HYOU1: variants seen among roughly 807,000 people sequenced by gnomAD.
The protein encoded by HYOU1 is hypoxia up-regulated 1.
In HYOU1, 40 loss-of-function variants were observed where a neutral mutation model predicts 120.5. The observed-to-expected ratio is 0.33, with a 90% CI of 0.26 to 0.43. The LOEUF (loss-of-function observed/expected upper bound fraction) is 0.43, where lower values mean the gene tolerates loss of function less well. Among genes scored for constraint, HYOU1 ranks in the 20% least tolerant of loss-of-function variants. The pLI is 1.00. For missense variants in HYOU1, 1,085 were observed against 1,278.3 expected (o/e 0.85, Z 2.31); for synonymous variants, 501 against 479.4 (o/e 1.05, Z -0.59).
chr11:119,048,997 C>T lies in HYOU1; in HGVS notation c.1992+21G>A, dbSNP rs2133568861. ...CCCTTAGCCTCTGGATCCACACTGG[C>T]CTTCCTCTGCCACAGCTCACCTGGG... On this transcript the variant is annotated intron_variant, in intron 17 of 25. Transcript: ENST00000617285. This position sits in a 1 kb window ranked among gnomAD's most constrained non-coding sequence, Gnocchi z 4.7. 2 of 1,613,422 alleles carry T rather than the reference C, an allele frequency of 1.2e-6. No homozygotes were observed. The highest frequency in any genetic ancestry group is 1.3e-5 in the African/African-American group (1 of 74,908).
intron 6 of HYOU1, 85 bp from the exon 7 acceptor site, chr11:119,054,760 T>A: frequency 2.1e-6 from 3 of 1,396,854 alleles, no homozygotes; most frequent in Non-Finnish European, 2.9e-6. Flanking sequence ...CATTTTGGAC[T>A]AGGTAATTCT....
rs2133572561 is a variant in HYOU1 at position 119,049,381 on chromosome 11, G to C, written c.1806+175C>G. 58 of 1,561,650 alleles carry C rather than the reference G, an allele frequency of 3.7e-5. No individual in the cohort carries two copies. In the African/African-American group the frequency reaches 6.9e-4, roughly 19 times the overall value. The stretch of plus-strand genomic sequence containing the variant: ...ACAAAGGAAGAGCATCTGCAATGAG[G>C]GGAATGGGCCTTGGGAGCACCAGTC... On this transcript the variant is annotated intron_variant, in intron 16 of 25. Transcript: ENST00000617285.
chr11:119,046,889 C>T, intron 22 of HYOU1, 87 bp from the exon 23 acceptor site: 1 of 1,520,782 alleles, frequency 6.6e-7, no homozygotes, highest in South Asian at 1.3e-5. Context: ...CCCAACCAGC[C>T]TCTTCCCTCA....
intron 6 of HYOU1, 134 bp downstream of exon 6, chr11:119,054,850 C>G: frequency 9.1e-7 from 1 of 1,097,738 alleles, no homozygotes; most frequent in Non-Finnish European, 1.3e-6. Flanking sequence ...AGGTGCACCC[C>G]TCAGATGTGA....
Position 119,049,071 on chromosome 11 carries a change from G to A in HYOU1, c.1939C>T (p.Pro647Ser). Residue 647 changes from proline (P) to serine (S), a missense_variant, in exon 17 of 26, where the codon CCT becomes TCT. Physicochemically the swap from Pro to Ser is moderately conservative, Grantham distance 74. This residue lies in a region of HYOU1 where 516 missense variants were observed against 517.1 expected (regional missense o/e 1.00). Transcript: ENST00000617285. ...TTTTCTGTGGCCTTTTCTCCCTCAG[G>A]GGTTGCATCTCCCTTAGGTTCAGGG... Reference protein sequence around the residue: ...PPPEPKGDATPEGEKATEKEN... With the variant: ...PPPEPKGDATSEGEKATEKEN... 6.2e-7 allele frequency: 1 copy of A among 1,614,144 alleles called. No homozygotes were observed. The highest frequency in any genetic ancestry group is 8.5e-7 in the Non-Finnish European group (1 of 1,180,026).
Position 119,051,351 on chromosome 11 carries a change from C to T in HYOU1, c.1526+87G>A. On this transcript the variant is annotated intron_variant, in intron 13 of 25. Coordinates refer to ENST00000617285, the MANE Select transcript of HYOU1 (RefSeq NM_006389.5). This position sits in a 1 kb window ranked among gnomAD's most constrained non-coding sequence, Gnocchi z 4.2. ...GCCCTGTTTCAGCCCCGCAGGCCCA[C>T]ATCCTCCCTCACCCCCAGTCCTCAG... is the stretch of plus-strand genomic sequence containing the variant. 2.0e-6 allele frequency: 3 copies of T among 1,513,050 alleles called. No homozygotes were observed. Among genetic ancestry groups the T allele is most frequent in the Non-Finnish European group, 1.8e-6 (2 of 1,103,622 alleles). 93.7% of individuals were successfully genotyped at this position (1,513,050 alleles called of 1,614,324 possible). A position where few individuals can be genotyped will look rare whatever the true frequency, so the allele number is the denominator to read the frequency against.
chr11:119,050,494 A>T (rs1380370190), intron 14 of HYOU1, among the ~76,000 whole-genome samples: 1 of 142,256 alleles, frequency 7.0e-6, no homozygotes, highest in Non-Finnish European at 1.5e-5. Flanking sequence ...AGGCAGGATG[A>T]TCGCTTGATC....
At position 119,051,870 on chromosome 11, in the gene HYOU1, G is replaced by A; in HGVS notation, c.1287C>T (p.Ala429=). ...AVYQAAALSK[A]FKVKPFVVRD... ...GGACGACAAATGGCTTCACTTTAAA[G>A]GCTTTGCTGAGCGCAGCTGCCTGGT... The change falls in exon 12 of 26, where the codon GCC becomes GCT. Residue 429 remains alanine (A), a synonymous_variant. Transcript: ENST00000617285. This position sits in a 1 kb window ranked among gnomAD's most constrained non-coding sequence, Gnocchi z 4.2. 1 of 1,614,162 alleles carries A rather than the reference G, an allele frequency of 6.2e-7. No homozygotes were observed. The highest frequency in any genetic ancestry group is 8.5e-7 in the Non-Finnish European group (1 of 1,180,032).
Position 119,052,053 on chromosome 11 carries a change from G to A in HYOU1, c.1205+37C>T. 1 of 1,613,840 alleles carries A rather than the reference G, an allele frequency of 6.2e-7. No homozygotes were observed. Among genetic ancestry groups the A allele is most frequent in the Non-Finnish European group, 8.5e-7 (1 of 1,179,836 alleles). ...TGCTCAGCCCAAAGCCCTGCCCCAG[G>A]CAGAACTCAGCCAAGCGCTCTAGCC... On this transcript the variant is annotated intron_variant, in intron 11 of 25. Transcript: ENST00000617285. This position sits in a 1 kb window ranked among gnomAD's most constrained non-coding sequence, Gnocchi z 5.0.
chr11:119,052,692 C>T lies in HYOU1; in HGVS notation c.932G>A (p.Arg311His), dbSNP rs2133594777. The T allele has an allele frequency of 4.5e-5, 73 of 1,614,078 alleles. No individual in the cohort carries two copies. The highest frequency in any genetic ancestry group is 3.3e-4 in the Middle Eastern group (2 of 6,084). Reference protein sequence around the residue: ...ENPRAMAKLLREANRLKTVLS... With the variant: ...ENPRAMAKLLHEANRLKTVLS... ...GACGGTTTTGAGCCGATTAGCCTCA[C>T]GCAGCAGCTTGGCCATGGCACGCGG... is the stretch of plus-strand genomic sequence containing the variant. Residue 311 changes from arginine to histidine, a missense_variant, in exon 9 of 26, where the codon CGT (arginine) becomes CAT (histidine). Arg to His is a conservative substitution (Grantham distance 29). Around this residue, in one of 4 missense-constraint regions of HYOU1, gnomAD observed 515 missense variants for 677.8 expected, o/e 0.76. Coordinates refer to ENST00000617285, the MANE Select transcript of HYOU1 (RefSeq NM_006389.5). The surrounding 1 kb of genome is among the most constrained non-coding windows in gnomAD (Gnocchi z 5.0).
chr11:119,048,361 A>G lies in HYOU1; in HGVS notation c.2263T>C (p.Tyr755His), dbSNP rs992983609. The change falls in exon 20 of 26, where the codon TAC becomes CAC. Residue 755 changes from tyrosine to histidine, a missense_variant. Transcript: ENST00000617285. The surrounding 1 kb of genome is among the most constrained non-coding windows in gnomAD (Gnocchi z 4.7). ...AFIFETQDKL[Y>H]QPEYQEVSTE... ...GACACTTCCTGGTACTCGGGCTGGT[A>G]CAGCTTGTCCTGGGGAGGGGGACAT... 2 of 1,609,484 alleles carry G rather than the reference A, an allele frequency of 1.2e-6. No individual in the cohort carries two copies. Among genetic ancestry groups the G allele is most frequent in the Non-Finnish European group, 1.7e-6 (2 of 1,179,920 alleles).
At chr11:119,050,992 C>A in intron 14 of HYOU1, 43 bp downstream of exon 14, 1 of 1,605,118 alleles carries the variant, frequency 6.2e-7, no homozygotes, top group Non-Finnish European at 8.5e-7. Flanking sequence ...GCTGGCAGGG[C>A]CTGAGCCCCT....
Position 119,048,750 on chromosome 11 carries a change from T to C in HYOU1, c.2129A>G (p.Asp710Gly), listed in dbSNP as rs2133566822. The change falls in exon 18 of 26, where the codon GAC (aspartate) becomes GGC (glycine). Residue 710 changes from aspartate (D) to glycine (G), a missense_variant. By Grantham distance (94) the Asp-to-Gly change is moderately conservative. Around this residue, in one of 4 missense-constraint regions of HYOU1, gnomAD observed 516 missense variants for 517.1 expected, o/e 1.00. Coordinates refer to ENST00000617285, the MANE Select transcript of HYOU1 (RefSeq NM_006389.5). The surrounding 1 kb of genome is among the most constrained non-coding windows in gnomAD (Gnocchi z 4.7). ...CTGAGCCAGCTTATCCTCTGGCAAGTCAGGCAGGTCCAGAACAACCAGCTC... is the reference window on the plus strand; with the variant it reads ...CTGAGCCAGCTTATCCTCTGGCAAGCCAGGCAGGTCCAGAACAACCAGCTC... The part of the protein sequence containing the change: ...GVELVVLDLP[D>G]LPEDKLAQSV... 1 of 1,613,148 alleles carries C rather than the reference T, an allele frequency of 6.2e-7. No individual in the cohort carries two copies. The highest frequency in any genetic ancestry group is 1.1e-5 in the South Asian group (1 of 90,902).
At chr11:119,053,010 G>C in intron 8 of HYOU1, 181 bp from the exon 9 acceptor site, 2 of 574,512 alleles carry the variant, frequency 3.5e-6, no homozygotes, top group South Asian at 4.6e-5. Context: ...CTGACACCTC[G>C]CAGTGACCCT....
rs1944247689 is a variant in HYOU1 at position 119,048,925 on chromosome 11, G to C, written c.1993-39C>G. On this transcript the variant is annotated intron_variant, in intron 17 of 25. Transcript: ENST00000617285. This position sits in a 1 kb window ranked among gnomAD's most constrained non-coding sequence, Gnocchi z 4.7. ...GTCAGGGGTGTCAGGAAAAGCCTCT[G>C]CCCTCCTACATTCTCCACAAGGCCA... 1 of 1,606,222 alleles carries C rather than the reference G, an allele frequency of 6.2e-7. No homozygotes were observed. Among genetic ancestry groups the C allele is most frequent in the Admixed American group, 1.7e-5 (1 of 58,862 alleles).
chr11:119,046,449 T>C lies in HYOU1; in HGVS notation c.2855A>G (p.Glu952Gly). ...TACTTTCTCAGGTTCTGAAATGGGCTCTGCATCTTCAGTCTGGCCTAGAAG... is the reference window on the plus strand; with the variant it reads ...TACTTTCTCAGGTTCTGAAATGGGCCCTGCATCTTCAGTCTGGCCTAGAAG... Reference protein sequence around the residue: ...IPPAGQTEDAEPISEPEKVET... With the variant: ...IPPAGQTEDAGPISEPEKVET... The change falls in exon 24 of 26, where the codon GAG (glutamate) becomes GGG (glycine). Residue 952 changes from glutamate to glycine, a missense_variant. By Grantham distance (98) the Glu-to-Gly change is moderately conservative (BLOSUM62 -2). Around this residue, in one of 4 missense-constraint regions of HYOU1, gnomAD observed 516 missense variants for 517.1 expected, o/e 1.00. Transcript: ENST00000617285. 6.2e-7 allele frequency: 1 copy of C among 1,614,172 alleles called. No individual in the cohort carries two copies. Among genetic ancestry groups the C allele is most frequent in the Non-Finnish European group, 8.5e-7 (1 of 1,180,028 alleles).
At chr11:119,050,932 C>CT (rs2134692658) in intron 14 of HYOU1, 103 bp downstream of exon 14, 1 of 1,385,588 alleles carries the variant, frequency 7.2e-7, no homozygotes, top group Non-Finnish European at 9.9e-7. Flanking sequence ...ATTCCTAAAC[C>CT]TTTTTTGGTT....
intron 22 of HYOU1, 153 bp downstream of exon 22, chr11:119,047,581 T>C: frequency 1.5e-6 from 1 of 665,968 alleles, no homozygotes; most frequent in South Asian, 1.8e-5. Flanking sequence ...TGCTTGGGAC[T>C]AATCAGAGGT....
At position 119,046,580 on chromosome 11, in the gene HYOU1, T is replaced by C; in HGVS notation, c.2818A>G (p.Lys940Glu). Residue 940 changes from lysine to glutamate, a missense_variant, in exon 23 of 26, where the codon AAG (lysine) becomes GAG (glutamate). By Grantham distance (56) the Lys-to-Glu change is moderately conservative. Transcript: ENST00000617285. ...LNASASDQGE[K>E]VIPPAGQTED... ...TTCTCACCTGCTGGAGGGATGACCT[T>C]CTCCCCCTGGTCACTGGCACTGGCA... 1 of 1,613,812 alleles carries C rather than the reference T, an allele frequency of 6.2e-7. No individual in the cohort carries two copies. Among genetic ancestry groups the C allele is most frequent in the East Asian group, 2.2e-5 (1 of 44,882 alleles).
Sources: allele counts gnomAD v4.1 joint callset (sites outside exome capture counted in the v4.1 genomes callset), GRCh38; gene constraint gnomAD v4.1.1; regional missense constraint gnomAD v4.1.1; non-coding constraint Gnocchi (gnomAD v3.1); transcripts MANE v1.5; gene names NCBI Gene and HGNC (gene_info 2026-07-23, HGNC 2026-07-21).